TFAP2E: variants seen among roughly 807,000 people sequenced by gnomAD.
TFAP2E encodes transcription factor AP-2 epsilon.
TFAP2E carries 30 observed loss-of-function variants against 37.9 expected under a neutral mutation model. That is an observed-to-expected ratio of 0.79 (90% CI 0.59 to 1.07). TFAP2E has a LOEUF of 1.07. Ranked by LOEUF, TFAP2E falls within the 50% of genes least tolerant of loss-of-function variation. The pLI is 0.00. For synonymous variants in TFAP2E, 318 were observed against 295.8 expected (o/e 1.08, Z -0.77); for missense variants, 567 against 637.9 (o/e 0.89, Z 1.20).
intron 3 of TFAP2E, among the ~76,000 whole-genome samples, chr1:35,576,113 C>G (rs1234119714): frequency 6.6e-6 from 1 of 152,194 alleles, no homozygotes; most frequent in Admixed American, 6.5e-5. Context: ...GTTTTTCAAA[C>G]GAGTGAATTC....
At position 35,590,193 on chromosome 1, in the gene TFAP2E, T is replaced by G; in HGVS notation, c.904+145T>G. 3 of 782,406 alleles carry G rather than the reference T, an allele frequency of 3.8e-6. No homozygotes were observed. The South Asian group carries it at 4.9e-5, about 13-fold the overall frequency. The allele number at this position is 782,406 out of a possible 1,614,324, so 48.5% of individuals were successfully genotyped here. ...GCAGTATCTGTGTGCGTATTCTCTG[T>G]CATGTATAAGGTGTGTTTGTGATTT... On this transcript the variant is annotated intron_variant, in intron 5 of 6. Coordinates refer to ENST00000373235, the MANE Select transcript of TFAP2E (RefSeq NM_178548.4). This position sits in a 1 kb window ranked among gnomAD's most constrained non-coding sequence, Gnocchi z 6.2.
rs1012411228 is a variant in TFAP2E, at chr1:35,574,391, C to T, written c.492C>T (p.Pro164=). The change falls in exon 2 of 7, where the codon CCC becomes CCT. Residue 164 remains proline, a synonymous_variant. Transcript: ENST00000373235. ...PLGLPGLAAA[P]GLEDLQAMDE... is the part of the protein sequence containing the mutation. The stretch of plus-strand genomic sequence containing the variant: ...GCCTTCCGGGGCTGGCGGCGGCCCC[C>T]GGTCTGGAGGACCTGCAGGTGAGAC... 1 of 1,433,718 alleles carries T rather than the reference C, an allele frequency of 7.0e-7. No individual in the cohort carries two copies. The highest frequency in any genetic ancestry group is 9.0e-7 in the Non-Finnish European group (1 of 1,105,190). The allele number at this position is 1,433,718 out of a possible 1,614,324, so 88.8% of individuals were successfully genotyped here. A position where few individuals can be genotyped will look rare whatever the true frequency, so the allele number is the denominator to read the frequency against.
intron 3 of TFAP2E, among the ~76,000 whole-genome samples, chr1:35,579,270 C>T (rs767861366): frequency 9.3e-5 from 14 of 150,832 alleles, no homozygotes; most frequent in Non-Finnish European, 1.8e-4. Context: ...GTGGCAGGCA[C>T]CTGTAATCCC....
At chr1:35,589,498 G>A (rs968061642) in intron 4 of TFAP2E, among the ~76,000 whole-genome samples, 2 of 151,778 alleles carry the variant, frequency 1.3e-5, no homozygotes, top group African/African-American at 4.8e-5. Context: ...TTTCACGTGT[G>A]TGTGTGTGTG....
At chr1:35,574,431 A>T in intron 2 of TFAP2E, 22 bp downstream of exon 2, 1 of 1,387,134 alleles carries the variant, frequency 7.2e-7, no homozygotes, top group Non-Finnish European at 9.3e-7. Flanking sequence ...GGGATCCGGG[A>T]TGGGTCGGGA....
chr1:35,575,257 G>T (rs998153983), intron 3 of TFAP2E, among the ~76,000 whole-genome samples: 7 of 152,254 alleles, frequency 4.6e-5, no homozygotes, highest in African/African-American at 1.2e-4. Flanking sequence ...TCCCCGCCGA[G>T]GGGGAGGGCA....
rs987393391 is a variant in TFAP2E, at chr1:35,590,882, C to T, written c.1046+107C>T. The T allele has an allele frequency of 3.3e-6, 4 of 1,224,838 alleles. No homozygotes were observed. Among genetic ancestry groups the T allele is most frequent in the Admixed American group, 3.8e-5 (1 of 26,646 alleles). 75.9% of individuals were successfully genotyped at this position (1,224,838 alleles called of 1,614,324 possible). A position where few individuals can be genotyped will look rare whatever the true frequency, so the allele number is the denominator to read the frequency against. On this transcript the variant is annotated intron_variant, in intron 6 of 6. Coordinates refer to ENST00000373235, the MANE Select transcript of TFAP2E (RefSeq NM_178548.4). The surrounding 1 kb of genome is among the most constrained non-coding windows in gnomAD (Gnocchi z 6.2). ...TGTACATGAGCAGTGGGCACACATG[C>T]GTATTTGCGCACCACTGTGTACACG...
chr1:35,577,466 G>A lies in TFAP2E; in HGVS notation c.562+2466G>A. On this transcript the variant is annotated intron_variant, in intron 3 of 6. Transcript: ENST00000373235. This position sits in a 1 kb window ranked among gnomAD's most constrained non-coding sequence, Gnocchi z 6.3. ...CAGACCTTCGGCCTCCGCCGAGTGCGGTACTGGAGCCTGCCCCGCCAGGGC... is the reference window on the plus strand; with the variant it reads ...CAGACCTTCGGCCTCCGCCGAGTGCAGTACTGGAGCCTGCCCCGCCAGGGC... 1 of 456,694 alleles carries A rather than the reference G, an allele frequency of 2.2e-6. No individual in the cohort carries two copies. Among genetic ancestry groups the A allele is most frequent in the Non-Finnish European group, 4.4e-6 (1 of 226,922 alleles). The allele number at this position is 456,694 out of a possible 1,614,324, so 28.3% of individuals were successfully genotyped here. A position where few individuals can be genotyped will look rare whatever the true frequency, so the allele number is the denominator to read the frequency against.
intron 3 of TFAP2E, among the ~76,000 whole-genome samples, chr1:35,587,621 AGC>A (rs1334290263): frequency 7.3e-6 from 1 of 137,448 alleles, no homozygotes; most frequent in East Asian, 2.6e-4. Context: ...CTGGTGACAG[AGC>A]GAGACTCCAT....
chr1:35,587,498 C>T lies in TFAP2E; in HGVS notation c.563-832C>T, dbSNP rs554548661. 1.3e-4 allele frequency among the ~76,000 whole-genome samples: 19 copies of T among 151,830 alleles called. No individual in the cohort carries two copies. In the East Asian group the frequency reaches 3.5e-3, roughly 28 times the overall value. On this transcript the variant is annotated intron_variant, in intron 3 of 6. Coordinates refer to ENST00000373235, the MANE Select transcript of TFAP2E (RefSeq NM_178548.4). Reference sequence around the variant, plus strand: ...ACTAAAAATATAGAAATTAGCCAGGCGTGGTGGTGGGCACCTGTAGTCCCA... The same window carrying T: ...ACTAAAAATATAGAAATTAGCCAGGTGTGGTGGTGGGCACCTGTAGTCCCA...
intron 3 of TFAP2E, among the ~76,000 whole-genome samples, chr1:35,586,413 G>A (rs1649482099): frequency 6.6e-6 from 1 of 152,184 alleles, no homozygotes; most frequent in Non-Finnish European, 1.5e-5. Flanking sequence ...TCAGGGAACT[G>A]ACCGGGCTCT....
rs539810540 is a variant in TFAP2E at position 35,590,751 on chromosome 1, G to A, written c.1022G>A (p.Arg341His). 21 of 1,480,904 alleles carry A rather than the reference G, an allele frequency of 1.4e-5. No homozygotes were observed. In the South Asian group the frequency reaches 1.5e-4, roughly 11 times the overall value. The allele number at this position is 1,480,904 out of a possible 1,614,324, so 91.7% of individuals were successfully genotyped here. Residue 341 changes from arginine (R) to histidine (H), a missense_variant, in exon 6 of 7, where the codon CGC (arginine) becomes CAC (histidine). Coordinates refer to ENST00000373235, the MANE Select transcript of TFAP2E (RefSeq NM_178548.4). The surrounding 1 kb of genome is among the most constrained non-coding windows in gnomAD (Gnocchi z 6.2). ...GCTGACCCGGGGGAGCTGCACAGCC[G>A]CAAGAGCATGCTGCTGGCTGCCAAG... ...QHADPGELHS[R>H]KSMLLAAKQI...
chr1:35,573,839 GAACCCT>G lies in TFAP2E; in HGVS notation c.28-87_28-82del, dbSNP rs1649082095. The G allele has an allele frequency of 1.4e-6, 2 of 1,390,644 alleles. No homozygotes were observed. The highest frequency in any genetic ancestry group is 1.9e-6 in the Non-Finnish European group (2 of 1,076,048). 86.1% of individuals were successfully genotyped at this position (1,390,644 alleles called of 1,614,324 possible). ...CCAAGAAACGGGAGGGACTGCAGCT[GAACCCT>G]CCCGAGCTGAGGAGGATCCTTTCAG... On this transcript the variant is annotated intron_variant, in intron 1 of 6. Transcript: ENST00000373235. This position sits in a 1 kb window ranked among gnomAD's most constrained non-coding sequence, Gnocchi z 5.9.
chr1:35,582,624 T>A (rs1649381664), intron 3 of TFAP2E, among the ~76,000 whole-genome samples: 1 of 150,820 alleles, frequency 6.6e-6, no homozygotes, highest in South Asian at 2.1e-4. Context: ...GTTACAGGAG[T>A]GAGCAACTGC....
chr1:35,589,265 T>C (rs987718006), intron 4 of TFAP2E, among the ~76,000 whole-genome samples: 2 of 150,870 alleles, frequency 1.3e-5, no homozygotes, highest in East Asian at 2.0e-4. Flanking sequence ...GCTAGTCATA[T>C]GGATGTTTAC....
At chr1:35,593,533 C>T (rs1377251699) in intron 6 of TFAP2E, among the ~76,000 whole-genome samples, 2 of 152,202 alleles carry the variant, frequency 1.3e-5, no homozygotes, top group Admixed American at 6.5e-5. Context: ...GCCTTTGAGG[C>T]TTTCCTCAAG....
chr1:35,578,526 C>T (rs1393101511), intron 3 of TFAP2E, among the ~76,000 whole-genome samples: 2 of 152,110 alleles, frequency 1.3e-5, no homozygotes, highest in South Asian at 4.1e-4. Flanking sequence ...ATGGATCCCT[C>T]GTTCCCTCTG....
rs1649197544 is a variant in TFAP2E at position 35,577,012 on chromosome 1, CA to C, written c.562+2013del. 9.6e-6 allele frequency among the ~76,000 whole-genome samples: 1 copy of C among 103,642 alleles called. No homozygotes were observed. The highest frequency in any genetic ancestry group is 4.2e-5 in the African/African-American group (1 of 23,604). 68.0% of individuals were successfully genotyped at this position (103,642 alleles called of 152,430 possible). A position where few individuals can be genotyped will look rare whatever the true frequency, so the allele number is the denominator to read the frequency against. On this transcript the variant is annotated intron_variant, in intron 3 of 6. Coordinates refer to ENST00000373235, the MANE Select transcript of TFAP2E (RefSeq NM_178548.4). The surrounding 1 kb of genome is among the most constrained non-coding windows in gnomAD (Gnocchi z 6.3). ...CCCAGCGCCAGCGGGACCCCAGCGC[CA>C]GCGGGACCCCAGCGCCAGCGGGACC... is the stretch of plus-strand genomic sequence containing the variant.
rs1571108500 is a variant in TFAP2E at position 35,590,118 on chromosome 1, C to G, written c.904+70C>G. The G allele has an allele frequency of 4.2e-6, 6 of 1,425,734 alleles. No homozygotes were observed. The highest frequency in any genetic ancestry group is 3.5e-4 in the Middle Eastern group (2 of 5,680). The allele number at this position is 1,425,734 out of a possible 1,614,324, so 88.3% of individuals were successfully genotyped here. On this transcript the variant is annotated intron_variant, in intron 5 of 6. Transcript: ENST00000373235. The surrounding 1 kb of genome is among the most constrained non-coding windows in gnomAD (Gnocchi z 6.2). ...AGTGAGTTGTCTGGTGTGACTGTCT[C>G]TAATGCAGGAGGGTGTGTTTAGTGG...
Sources: gnomAD v4.1 joint callset for allele counts (sites outside exome capture counted in the v4.1 genomes callset) on GRCh38, gnomAD v4.1.1 for gene constraint, Gnocchi (gnomAD v3.1) non-coding constraint, MANE v1.5 for transcripts, NCBI Gene and HGNC (gene_info 2026-07-23, HGNC 2026-07-21) for gene names.